Variants in SHANK2 observed in about 807,000 individuals in gnomAD.
SHANK2 encodes SH3 and multiple ankyrin repeat domains protein 2.
SHANK2 carries 43 observed loss-of-function variants against 133.7 expected under a neutral mutation model. The observed-to-expected ratio is 0.32, with a 90% CI of 0.25 to 0.41. The LOEUF (loss-of-function observed/expected upper bound fraction) is 0.41. Ranked by LOEUF, SHANK2 falls within the 10% of genes least tolerant of loss-of-function variation. The pLI, the probability that SHANK2 is intolerant of heterozygous loss-of-function variation, is 1.00. For synonymous variants in SHANK2, 1,017 were observed against 952.8 expected (o/e 1.07, Z -1.24); for missense variants, 1,994 against 2,235.8 (o/e 0.89, Z 2.18).
At chr11:70,743,944 C>T (rs1387095820) in intron 14 of SHANK2, among the ~76,000 whole-genome samples, 1 of 152,214 alleles carries the variant, frequency 6.6e-6, no homozygotes, top group Non-Finnish European at 1.5e-5. Context: ...ACCCCGTCCA[C>T]TGCACCTCCT....
At chr11:70,745,366 G>A (rs1415901628) in intron 14 of SHANK2, among the ~76,000 whole-genome samples, 2 of 152,198 alleles carry the variant, frequency 1.3e-5, no homozygotes, top group Non-Finnish European at 2.9e-5. Flanking sequence ...AGCCCTGGGT[G>A]CCCACATCTC....
chr11:71,066,515 G>A (rs953577681), intron 9 of SHANK2, among the ~76,000 whole-genome samples: 1 of 152,126 alleles, frequency 6.6e-6, no homozygotes, highest in African/African-American at 2.4e-5. Context: ...AGAAACACTG[G>A]TGGCAGACAT....
chr11:70,495,309 C>T (rs1243846033), intron 21 of SHANK2, among the ~76,000 whole-genome samples: 1 of 152,346 alleles, frequency 6.6e-6, no homozygotes. Context: ...GGCTGGGACT[C>T]CTTGGATGGC....
chr11:70,665,351 T>C (rs1457649374), intron 15 of SHANK2, among the ~76,000 whole-genome samples: 1 of 151,332 alleles, frequency 6.6e-6, no homozygotes, highest in Non-Finnish European at 1.5e-5. Context: ...GTGTTGCCCA[T>C]GATGGTCTTA....
At chr11:70,570,283 TC>T (rs2060030175) in intron 17 of SHANK2, among the ~76,000 whole-genome samples, 4 of 152,182 alleles carry the variant, frequency 2.6e-5, no homozygotes, top group African/African-American at 9.6e-5. Flanking sequence ...CCCAGGTCGC[TC>T]CCGTTCTTGA....
At chr11:71,162,100 C>A (rs1953033258) in intron 2 of SHANK2, among the ~76,000 whole-genome samples, 1 of 152,186 alleles carries the variant, frequency 6.6e-6, no homozygotes, top group Non-Finnish European at 1.5e-5. Flanking sequence ...GGTGAATTAA[C>A]CAATGAACTG....
intron 10 of SHANK2, among the ~76,000 whole-genome samples, chr11:70,955,422 G>GGGGTGT (rs1220747460): frequency 8.9e-5 from 13 of 146,564 alleles, no homozygotes; most frequent in African/African-American, 3.3e-4. Context: ...AGACCCACGG[G>GGGGTGT]GTGTGTGTGT....
intron 9 of SHANK2, among the ~76,000 whole-genome samples, chr11:71,060,706 G>A (rs893783662): frequency 1.2e-4 from 18 of 152,352 alleles, no homozygotes; most frequent in African/African-American, 2.4e-4. Flanking sequence ...GCAAAGCCAC[G>A]TGTGAGGCTC....
intron 16 of SHANK2, among the ~76,000 whole-genome samples, chr11:70,661,224 G>A (rs1359556761): frequency 4.6e-5 from 7 of 152,196 alleles, no homozygotes; most frequent in African/African-American, 1.7e-4. Context: ...GAGACCCAGA[G>A]CTCTGAGGGT....
At chr11:71,130,371 T>C (rs1952277431) in intron 3 of SHANK2, among the ~76,000 whole-genome samples, 2 of 152,202 alleles carry the variant, frequency 1.3e-5, no homozygotes, top group Admixed American at 1.3e-4. Context: ...CAGGAGCTTC[T>C]TGGGCAAGGC....
At chr11:70,478,573 C>T (rs928278668) in intron 25 of SHANK2, among the ~76,000 whole-genome samples, 21 of 152,180 alleles carry the variant, frequency 1.4e-4, no homozygotes, top group Non-Finnish European at 2.1e-4. Context: ...AAGATAGAAC[C>T]GGAGGCAGCA....
rs879975114 is a variant in SHANK2 at position 70,914,897 on chromosome 11, TA to T, written c.1108-18331del. On this transcript the variant is annotated intron_variant, in intron 10 of 25. Coordinates refer to ENST00000601538, the MANE Select transcript of SHANK2 (RefSeq NM_012309.5). ...CTGTTGACAAAGCGAGACTCTGTCTTAAAAAAAAAAAAAAGAAAGAAAGAAA... is the reference window on the plus strand; with the variant it reads ...CTGTTGACAAAGCGAGACTCTGTCTTAAAAAAAAAAAAAGAAAGAAAGAAA... Among the ~76,000 whole-genome samples, 245 of 120,178 alleles carry T rather than the reference TA, an allele frequency of 2.0e-3. 1 individual carries two copies. Among genetic ancestry groups the T allele is most frequent in the East Asian group, 3.2e-3 (14 of 4,388 alleles). The allele number at this position is 120,178 out of a possible 152,430, so 78.8% of individuals were successfully genotyped here.
At position 70,541,442 on chromosome 11, in the gene SHANK2, C is replaced by T. The variant is rs547747106; in HGVS notation, c.2062-38511G>A. ...CAGCTTCCTGGCGTGCCCTCCTGGC[C>T]AGTCACCTCTGCAGGTAGCAGGTGG... On this transcript the variant is annotated intron_variant, in intron 17 of 25. Coordinates refer to ENST00000601538, the MANE Select transcript of SHANK2 (RefSeq NM_012309.5). 2.6e-5 allele frequency among the ~76,000 whole-genome samples: 4 copies of T among 152,332 alleles called. No individual in the cohort carries two copies. The South Asian group carries it at 8.3e-4, about 32-fold the overall frequency.
At chr11:70,681,300 C>T (rs1331532520) in intron 15 of SHANK2, among the ~76,000 whole-genome samples, 6 of 152,188 alleles carry the variant, frequency 3.9e-5, no homozygotes, top group South Asian at 2.1e-4. Flanking sequence ...TGTTTCTCCG[C>T]GGCTCAGGAT....
chr11:70,769,325 C>G (rs545937618), intron 14 of SHANK2, among the ~76,000 whole-genome samples: 3 of 152,286 alleles, frequency 2.0e-5, no homozygotes, highest in African/African-American at 7.2e-5. Flanking sequence ...GCAGACATGT[C>G]CTCGTTTGGA....
intron 10 of SHANK2, among the ~76,000 whole-genome samples, chr11:70,913,700 C>T (rs1176253513): frequency 6.6e-6 from 1 of 152,188 alleles, no homozygotes; most frequent in Admixed American, 6.5e-5. Context: ...TGAGTTTAGA[C>T]GTTGGCTCTA....
chr11:70,539,868 G>A (rs1478678561), intron 17 of SHANK2, among the ~76,000 whole-genome samples: 4 of 152,182 alleles, frequency 2.6e-5, no homozygotes, highest in Non-Finnish European at 5.9e-5. Flanking sequence ...GTGTGGGCAG[G>A]GTGGGTTCCT....
At chr11:71,245,414 T>C (rs1420149502) in intron 1 of SHANK2, among the ~76,000 whole-genome samples, 2 of 152,234 alleles carry the variant, frequency 1.3e-5, no homozygotes, top group African/African-American at 2.4e-5. Flanking sequence ...ATAGCGTAAA[T>C]AACAATAGAT....
At chr11:70,706,589 G>T (rs573970864) in intron 14 of SHANK2, among the ~76,000 whole-genome samples, 37 of 152,168 alleles carry the variant, frequency 2.4e-4, no homozygotes, top group Non-Finnish European at 4.0e-4. Flanking sequence ...TTAGGCTCTT[G>T]AACTTGTCAA....
Sources: gnomAD v4.1 joint callset for allele counts (sites outside exome capture counted in the v4.1 genomes callset) on GRCh38, gnomAD v4.1.1 for gene constraint, MANE v1.5 for transcripts, NCBI Gene and HGNC (gene_info 2026-07-23, HGNC 2026-07-21) for gene names.